The following AKAP9 variants were observed in gnomAD, a reference collection of about 807,000 sequenced individuals.
AKAP9 encodes A-kinase anchor protein 9.
AKAP9 carries 311 observed loss-of-function variants against 488.5 expected under a neutral mutation model. The ratio of observed to expected loss-of-function variants is 0.64; its 90% CI spans 0.58 to 0.70. AKAP9 has a LOEUF of 0.70. Ranked by LOEUF, AKAP9 falls within the 30% of genes least tolerant of loss-of-function variation. The probability of loss-of-function intolerance (pLI) is 0.00; values close to 1 mark genes in which losing one functional copy is unlikely to be tolerated. For missense variants in AKAP9, 4,215 were observed against 4,374.5 expected (o/e 0.96, Z 1.03); for synonymous variants, 1,462 against 1,483.5 (o/e 0.99, Z 0.33).
chr7:91,977,311 CTT>C (rs1306733684), intron 2 of AKAP9, among the ~76,000 whole-genome samples: 1 of 152,086 alleles, frequency 6.6e-6, no homozygotes, highest in African/African-American at 2.4e-5. Context: ...AATCCCAGCA[CTT>C]TGGGAGGCCA....
At position 92,108,628 on chromosome 7, in the gene AKAP9, A is replaced by C. The variant is rs1169973516; in HGVS notation, c.11681A>C (p.Gln3894Pro). The change falls in exon 49 of 50, where the codon CAG becomes CCG. Residue 3894 changes from glutamine (Q) to proline (P), a missense_variant. Around this residue, in one of 5 missense-constraint regions of AKAP9, gnomAD observed 253 missense variants for 266.8 expected, o/e 0.95. Coordinates refer to ENST00000356239, the MANE Select transcript of AKAP9 (RefSeq NM_005751.5). ...CTGCAAAGACGACTTGGAACTATAC[A>C]GTCAGGTGCTCTGAGTTTAACCACA... The part of the protein sequence containing the change: ...EALQRRLGTI[Q>P]SGSTTQFHAG... 1 of 1,614,196 alleles carries C rather than the reference A, an allele frequency of 6.2e-7. No individual in the cohort carries two copies. The highest frequency in any genetic ancestry group is 1.7e-5 in the Admixed American group (1 of 60,018).
intron 3 of AKAP9, among the ~76,000 whole-genome samples, chr7:91,986,078 T>C (rs1797048685): frequency 6.6e-6 from 1 of 152,232 alleles, no homozygotes; most frequent in South Asian, 2.1e-4. Flanking sequence ...CTATTAATTA[T>C]TGCCTCAATT....
intron 32 of AKAP9, 90 bp downstream of exon 32, chr7:92,082,752 C>G: frequency 1.4e-6 from 2 of 1,395,576 alleles, no homozygotes; most frequent in South Asian, 1.3e-5. Flanking sequence ...CAAATGAGCT[C>G]CATAACTTAA....
chr7:91,996,454 G>C (rs144752827), intron 7 of AKAP9, among the ~76,000 whole-genome samples: 2,083 of 152,278 alleles, frequency 0.014, 26 homozygotes, highest in South Asian at 0.038. Flanking sequence ...CTGGGATTCA[G>C]ATCCTGTCAG....
chr7:92,038,560 T>C lies in AKAP9; in HGVS notation c.4480T>C (p.Ser1494Pro), dbSNP rs1229551538. 1.9e-6 allele frequency: 3 copies of C among 1,613,836 alleles called. No homozygotes were observed. Among genetic ancestry groups the C allele is most frequent in the African/African-American group, 1.3e-5 (1 of 74,934 alleles). The change falls in exon 17 of 50, where the codon TCA becomes CCA. Residue 1494 changes from serine to proline, a missense_variant. By Grantham distance (74) the Ser-to-Pro change is moderately conservative. Transcript: ENST00000356239. The stretch of plus-strand genomic sequence containing the variant: ...ACATTATTTTAATGAAATGAAATTA[T>C]CACAGGATCAAATTGGTTTTCAGAC... ...EQHYFNEMKL[S>P]QDQIGFQTFE... is the part of the protein sequence containing the mutation.
At chr7:92,034,735 G>A (rs1804912494) in intron 16 of AKAP9, among the ~76,000 whole-genome samples, 3 of 151,170 alleles carry the variant, frequency 2.0e-5, no homozygotes, top group Admixed American at 2.0e-4. Flanking sequence ...CTGACCTCAA[G>A]TGATCCACCC....
At chr7:92,038,369 T>C (rs746264228) in intron 16 of AKAP9, 50 bp from the exon 17 acceptor site, 5 of 1,450,888 alleles carry the variant, frequency 3.4e-6, no homozygotes, top group Non-Finnish European at 9.6e-7. Context: ...TTTAAATTCC[T>C]GCTGATATTT....
At chr7:92,037,719 A>T (rs1805423929) in intron 16 of AKAP9, among the ~76,000 whole-genome samples, 1 of 152,228 alleles carries the variant, frequency 6.6e-6, no homozygotes, top group African/African-American at 2.4e-5. Flanking sequence ...TACCAGTCAT[A>T]CAAACTAAGT....
rs982934060 is a variant in AKAP9, at chr7:92,097,622, A to G, written c.10435A>G (p.Asn3479Asp). ...TWSLTSDRTR[N>D]WVLQQKIEGE... ...GAGCTTAACCAGTGATAGAACTAGA[A>G]ATTGGGTTCTTCAACAGAAAATAGA... Residue 3479 changes from asparagine (N) to aspartate (D), a missense_variant, in exon 42 of 50, where the codon AAT becomes GAT. Around this residue, in one of 5 missense-constraint regions of AKAP9, gnomAD observed 1,476 missense variants for 1,477.4 expected, o/e 1.00. Transcript: ENST00000356239. 1 of 1,613,906 alleles carries G rather than the reference A, an allele frequency of 6.2e-7. No homozygotes were observed. Among genetic ancestry groups the G allele is most frequent in the Admixed American group, 1.7e-5 (1 of 60,030 alleles).
At chr7:92,014,798 A>C (rs953027948) in intron 10 of AKAP9, among the ~76,000 whole-genome samples, 1 of 152,210 alleles carries the variant, frequency 6.6e-6, no homozygotes, top group African/African-American at 2.4e-5. Flanking sequence ...TGAGCATTAA[A>C]AATTTTCCTG....
chr7:91,998,642 A>G (rs1276543889), intron 7 of AKAP9, among the ~76,000 whole-genome samples: 3 of 151,760 alleles, frequency 2.0e-5, no homozygotes, highest in East Asian at 1.9e-4. Context: ...CCACTCCCCT[A>G]TATAAATCAG....
At position 92,108,718 on chromosome 7, in the gene AKAP9, A is replaced by G. The variant is rs773130714; in HGVS notation, c.11686+85A>G. 57 of 1,528,074 alleles carry G rather than the reference A, an allele frequency of 3.7e-5. No homozygotes were observed. The African/African-American group carries it at 7.2e-4, about 19-fold the overall frequency. 94.7% of individuals were successfully genotyped at this position (1,528,074 alleles called of 1,614,324 possible). A position where few individuals can be genotyped will look rare whatever the true frequency, so the allele number is the denominator to read the frequency against. On this transcript the variant is annotated intron_variant, in intron 49 of 49. Coordinates refer to ENST00000356239, the MANE Select transcript of AKAP9 (RefSeq NM_005751.5). ...TCTTTGAAATTCTTTCACACTCATTAGGATAATCAAAGCTTCCAGTTTAGT... is the reference window on the plus strand; with the variant it reads ...TCTTTGAAATTCTTTCACACTCATTGGGATAATCAAAGCTTCCAGTTTAGT...
intron 29 of AKAP9, 150 bp from the exon 30 acceptor site, chr7:92,077,546 A>G (rs1026445103): frequency 8.1e-6 from 6 of 736,360 alleles, no homozygotes; most frequent in Non-Finnish European, 4.4e-6. Context: ...TCATTTATCA[A>G]AATATTTTAG....
chr7:92,107,418 A>G lies in AKAP9; in HGVS notation c.11542A>G (p.Asn3848Asp), dbSNP rs1289963879. 3 of 1,613,446 alleles carry G rather than the reference A, an allele frequency of 1.9e-6. No individual in the cohort carries two copies. The highest frequency in any genetic ancestry group is 2.7e-5 in the African/African-American group (2 of 75,032). Residue 3848 changes from asparagine (N) to aspartate (D), a missense_variant, in exon 48 of 50, where the codon AAT (asparagine) becomes GAT (aspartate). Transcript: ENST00000356239. ...TATTAGGTCCCCTTTACCATTTCAG[A>G]ATAGGTAAGAATATGAGAAAACCTG... Reference protein sequence around the residue: ...DYIRSPLPFQNRYPGTPADFN... With the variant: ...DYIRSPLPFQDRYPGTPADFN...
At chr7:92,096,377 C>T (rs1458555345) in intron 40 of AKAP9, among the ~76,000 whole-genome samples, 2 of 143,148 alleles carry the variant, frequency 1.4e-5, no homozygotes, top group African/African-American at 5.2e-5. Flanking sequence ...CTCTGTTGCT[C>T]ACGCTGGAGG....
At chr7:92,043,057 C>G (rs931323979) in intron 20 of AKAP9, 12 of 242,908 alleles carry the variant, frequency 4.9e-5, no homozygotes, top group Non-Finnish European at 8.1e-6. Flanking sequence ...CTTTTCCTTA[C>G]TTTGATTTTG....
intron 1 of AKAP9, among the ~76,000 whole-genome samples, chr7:91,964,054 T>C (rs930581900): frequency 1.3e-5 from 2 of 152,178 alleles, no homozygotes; most frequent in Non-Finnish European, 2.9e-5. Flanking sequence ...TAATAGTTGC[T>C]TCTTAGAAAA....
intron 20 of AKAP9, chr7:92,043,177 ATTTC>A (rs1356088926): frequency 2.2e-5 from 5 of 228,230 alleles, no homozygotes; most frequent in Non-Finnish European, 3.7e-5. Context: ...AATGAAAATA[ATTTC>A]TTTAATTTTA....
At chr7:91,991,166 C>T (rs542325055) in intron 3 of AKAP9, among the ~76,000 whole-genome samples, 19 of 152,258 alleles carry the variant, frequency 1.2e-4, no homozygotes, top group Middle Eastern at 3.4e-3. Flanking sequence ...ACATCCATTT[C>T]GTTACACTGA....
Sources: allele counts gnomAD v4.1 joint callset (sites outside exome capture counted in the v4.1 genomes callset), GRCh38; gene constraint gnomAD v4.1.1; regional missense constraint gnomAD v4.1.1; transcripts MANE v1.5; gene names NCBI Gene and HGNC (gene_info 2026-07-23, HGNC 2026-07-21).